The following SAMD12 variants were observed in gnomAD, a reference collection of about 807,000 sequenced individuals.
SAMD12 encodes sterile alpha motif domain containing 12.
SAMD12 carries 9 observed loss-of-function variants against 15.0 expected under a neutral mutation model. The observed-to-expected ratio is 0.60, with a 90% CI of 0.36 to 1.05. SAMD12 has a LOEUF of 1.05. Ranked by LOEUF, SAMD12 falls within the 50% of genes least tolerant of loss-of-function variation. SAMD12 has a pLI of 0.01. For missense variants in SAMD12, 230 were observed against 234.2 expected, an observed-to-expected ratio of 0.98 and a Z score of 0.12; for synonymous variants, 86 against 90.1, an observed-to-expected ratio of 0.96 and a Z score of 0.25.
intron 4 of SAMD12, among the ~76,000 whole-genome samples, chr8:118,250,707 G>C (rs772140825): frequency 1.3e-5 from 2 of 151,674 alleles, no homozygotes; most frequent in Non-Finnish European, 2.9e-5. Context: ...TTTTTGCCAT[G>C]TTGTCCAGGC....
chr8:118,550,873 G>A (rs1462721020), intron 2 of SAMD12, among the ~76,000 whole-genome samples: 3 of 149,780 alleles, frequency 2.0e-5, no homozygotes, highest in Non-Finnish European at 4.4e-5. Flanking sequence ...GGCAGGGTTT[G>A]CAATCCTAGT....
chr8:118,374,658 T>C (rs548750589), downstream of SAMD12, among the ~76,000 whole-genome samples: 34 of 152,280 alleles, frequency 2.2e-4, no homozygotes, highest in African/African-American at 8.2e-4. Flanking sequence ...TTTCTGTTCT[T>C]TTGGTAGTGG....
chr8:118,493,171 G>A (rs544453806), intron 2 of SAMD12, among the ~76,000 whole-genome samples: 2 of 152,240 alleles, frequency 1.3e-5, no homozygotes, highest in East Asian at 1.9e-4. Context: ...CAAAAATAAA[G>A]AACATTTTCT....
intron 2 of SAMD12, among the ~76,000 whole-genome samples, chr8:118,563,040 AT>A (rs1826753725): frequency 6.6e-6 from 1 of 152,246 alleles, no homozygotes; most frequent in Non-Finnish European, 1.5e-5. Flanking sequence ...AACTGTGGCT[AT>A]TTTAAAGATA....
chr8:118,177,106 C>CATGAA, the SAMD12 span, among the ~76,000 whole-genome samples: 2 of 152,100 alleles, frequency 1.3e-5, no homozygotes, highest in Non-Finnish European at 2.9e-5. Context: ...CAAAATTGGG[C>CATGAA]ATGAACAAAA....
intron 4 of SAMD12, among the ~76,000 whole-genome samples, chr8:118,205,786 G>T (rs1461160920): frequency 1.3e-5 from 2 of 152,134 alleles, no homozygotes; most frequent in African/African-American, 4.8e-5. Flanking sequence ...TGCTTGGATG[G>T]TCACCTTTCT....
chr8:118,418,346 AC>A (rs1821817298), intron 3 of SAMD12, among the ~76,000 whole-genome samples: 1 of 152,156 alleles, frequency 6.6e-6, no homozygotes. Context: ...TTTTAAATGT[AC>A]TAAAAACATC....
At chr8:118,189,716 C>T (rs1470310009) in exon 5 of SAMD12, 1 of 151,896 alleles carries the variant, frequency 6.6e-6, no homozygotes, top group East Asian at 1.9e-4. Context: ...AAAGGAGACC[C>T]AAAGGGAATT....
At chr8:118,163,890 AAACAAAAC>A in the SAMD12 span, among the ~76,000 whole-genome samples, 3 of 147,416 alleles carry the variant, frequency 2.0e-5, no homozygotes, top group African/African-American at 5.0e-5. Flanking sequence ...AAACAAAACA[AAACAAAAC>A]AAAACAAAAC....
exon 5 of SAMD12, chr8:118,197,447 A>C (rs1819597168): frequency 1.1e-5 from 6 of 559,752 alleles, no homozygotes; most frequent in Non-Finnish European, 1.9e-5. Flanking sequence ...GAAAACTGGA[A>C]GCAATTTTCC....
exon 5 of SAMD12, chr8:118,189,946 G>GAAAAAAAAAAAAA (rs895075538): frequency 4.3e-5 from 3 of 69,062 alleles, no homozygotes; most frequent in African/African-American, 1.1e-4. Context: ...ATGCACAGAG[G>GAAAAAAAAAAAAA]AAAAAAAAAA....
rs533462339 is a variant in SAMD12, at chr8:118,389,128, A to G, written c.323-9428T>C. Among the ~76,000 whole-genome samples the G allele has an allele frequency of 3.0e-4, 46 of 152,350 alleles. 1 individual carries two copies. In the South Asian group the frequency reaches 8.9e-3, roughly 30 times the overall value. ...CTGCCATCCCTCTCCAGCATTTCAC[A>G]AAAGCCTATCATGGTGTAAGTGGGT... On this transcript the variant is annotated intron_variant, in intron 3 of 3. Transcript: ENST00000314727.
chr8:118,316,147 G>C (rs1278155598), intron 4 of SAMD12, among the ~76,000 whole-genome samples: 1 of 152,096 alleles, frequency 6.6e-6, no homozygotes, highest in Non-Finnish European at 1.5e-5. Flanking sequence ...CATACTGAAA[G>C]AAGGTAGACG....
At chr8:118,288,004 T>C (rs1406389782) in intron 4 of SAMD12, among the ~76,000 whole-genome samples, 6 of 152,126 alleles carry the variant, frequency 3.9e-5, no homozygotes, top group Admixed American at 6.5e-5. Flanking sequence ...AAACTTGCCA[T>C]TGGAAAAAAG....
At chr8:118,251,277 G>A (rs1304360374) in intron 4 of SAMD12, among the ~76,000 whole-genome samples, 2 of 152,122 alleles carry the variant, frequency 1.3e-5, no homozygotes, top group Non-Finnish European at 2.9e-5. Context: ...AGTAGTGGTT[G>A]TAAAACCGGG....
chr8:118,577,274 T>C (rs1827176540), intron 2 of SAMD12, among the ~76,000 whole-genome samples: 1 of 152,152 alleles, frequency 6.6e-6, no homozygotes, highest in African/African-American at 2.4e-5. Context: ...TTTTGAGGAA[T>C]TGGGGCTAAG....
At chr8:118,176,558 C>T in the SAMD12 span, among the ~76,000 whole-genome samples, 1 of 152,110 alleles carries the variant, frequency 6.6e-6, no homozygotes, top group East Asian at 1.9e-4. Context: ...TGAATTAATG[C>T]AAGAACACAA....
At chr8:118,203,227 G>T (rs1231442589) in intron 4 of SAMD12, among the ~76,000 whole-genome samples, 1 of 152,204 alleles carries the variant, frequency 6.6e-6, no homozygotes, top group African/African-American at 2.4e-5. Flanking sequence ...TATACATGGA[G>T]TGCCATAAAT....
At chr8:118,292,011 C>A (rs1033741271) in intron 4 of SAMD12, among the ~76,000 whole-genome samples, 20 of 151,158 alleles carry the variant, frequency 1.3e-4, no homozygotes, top group African/African-American at 4.6e-4. Context: ...AGGAAAAGTG[C>A]TACAAGGCGA....
Sources: allele counts gnomAD v4.1 joint callset (sites outside exome capture counted in the v4.1 genomes callset), GRCh38; gene constraint gnomAD v4.1.1; transcripts MANE v1.5; gene names NCBI Gene and HGNC (gene_info 2026-07-23, HGNC 2026-07-21).